The following IMMP2L variants were observed in gnomAD, a reference collection of about 807,000 sequenced individuals.
IMMP2L encodes mitochondrial inner membrane protease subunit 2.
IMMP2L carries 18 observed loss-of-function variants against 19.3 expected under a neutral mutation model. The observed-to-expected ratio is 0.93, with a 90% CI of 0.64 to 1.38. The LOEUF (loss-of-function observed/expected upper bound fraction) is 1.38, where lower values mean the gene tolerates loss of function less well. Among genes scored for constraint, IMMP2L ranks in the 40% most tolerant of loss-of-function variants. The probability of loss-of-function intolerance (pLI) is 0.00; values close to 1 mark genes in which losing one functional copy is unlikely to be tolerated. For synonymous variants in IMMP2L, 76 were observed against 73.0 expected, an observed-to-expected ratio of 1.04 and a Z score of -0.21; for missense variants, 233 against 218.2, an observed-to-expected ratio of 1.07 and a Z score of -0.43.
intron 5 of IMMP2L, among the ~76,000 whole-genome samples, chr7:110,774,865 C>T (rs150488272): frequency 9.9e-5 from 15 of 152,132 alleles, no homozygotes; most frequent in South Asian, 2.1e-4. Flanking sequence ...TTTAGTGATG[C>T]GTGACTGTAC....
chr7:111,091,469 A>C (rs1340469814), intron 3 of IMMP2L: 1 of 152,224 alleles, frequency 6.6e-6, no homozygotes, highest in Non-Finnish European at 1.5e-5. Context: ...ACGCAAGGAC[A>C]TCGGAGGTGG....
chr7:111,047,696 A>G (rs1792543329), intron 3 of IMMP2L, among the ~76,000 whole-genome samples: 1 of 152,284 alleles, frequency 6.6e-6, no homozygotes, highest in East Asian at 1.9e-4. Context: ...ATATTGAGAC[A>G]GACAGACTTG....
intron 5 of IMMP2L, among the ~76,000 whole-genome samples, chr7:110,850,989 A>G (rs1806160480): frequency 6.6e-6 from 1 of 152,060 alleles, no homozygotes; most frequent in Admixed American, 6.6e-5. Flanking sequence ...AAATTTGTTC[A>G]GCATCACAAA....
intron 5 of IMMP2L, among the ~76,000 whole-genome samples, chr7:110,763,005 A>G (rs545093628): frequency 6.6e-6 from 1 of 152,242 alleles, no homozygotes; most frequent in East Asian, 1.9e-4. Flanking sequence ...GAGCTGGGGA[A>G]TAGCTCCATG....
At chr7:111,548,151 G>C (rs1260225616) in intron 1 of IMMP2L, among the ~76,000 whole-genome samples, 1 of 151,978 alleles carries the variant, frequency 6.6e-6, no homozygotes, top group East Asian at 1.9e-4. Context: ...ATCTATCAGG[G>C]AGAGAATATT....
intron 3 of IMMP2L, among the ~76,000 whole-genome samples, chr7:111,388,143 A>C (rs1246666032): frequency 6.6e-6 from 1 of 152,076 alleles, no homozygotes; most frequent in Admixed American, 6.6e-5. Context: ...GCTAGGAAAC[A>C]AGAAGTATCT....
chr7:111,056,985 G>A (rs921530627), intron 3 of IMMP2L, among the ~76,000 whole-genome samples: 6 of 152,020 alleles, frequency 3.9e-5, no homozygotes, highest in Non-Finnish European at 7.4e-5. Flanking sequence ...TTACTTAAGA[G>A]TTTAACATAT....
At chr7:111,031,308 TC>T (rs1466659108) in intron 3 of IMMP2L, among the ~76,000 whole-genome samples, 1 of 151,486 alleles carries the variant, frequency 6.6e-6, no homozygotes, top group Non-Finnish European at 1.5e-5. Context: ...AAGGGATGCT[TC>T]TAGGACAAGA....
At chr7:111,414,977 T>C (rs1013087741) in intron 3 of IMMP2L, among the ~76,000 whole-genome samples, 6 of 151,780 alleles carry the variant, frequency 4.0e-5, no homozygotes, top group African/African-American at 1.5e-4. Flanking sequence ...TAGTTTTCAC[T>C]CCCAGTATGA....
intron 3 of IMMP2L, among the ~76,000 whole-genome samples, chr7:110,989,380 A>T (rs952611909): frequency 8.6e-5 from 13 of 151,878 alleles, no homozygotes; most frequent in African/African-American, 2.4e-4. Flanking sequence ...CTACAAAAAA[A>T]TTTTTTAAAA....
At chr7:111,468,211 T>C (rs576769591) in intron 3 of IMMP2L, among the ~76,000 whole-genome samples, 1 of 152,290 alleles carries the variant, frequency 6.6e-6, no homozygotes, top group South Asian at 2.1e-4. Flanking sequence ...ATCTGCTATA[T>C]TAGTTTCCAA....
intron 5 of IMMP2L, among the ~76,000 whole-genome samples, chr7:110,809,053 C>A (rs749820839): frequency 3.9e-5 from 6 of 152,004 alleles, no homozygotes; most frequent in Non-Finnish European, 5.9e-5. Flanking sequence ...ACCCTGTCAT[C>A]TTTCCCAAAT....
Position 111,122,223 on chromosome 7 carries a change from A to T in IMMP2L, c.240-158658T>A, listed in dbSNP as rs181439922. 8.8e-5 allele frequency among the ~76,000 whole-genome samples: 11 copies of T among 125,424 alleles called. 1 individual carries two copies. Among genetic ancestry groups the T allele is most frequent in the Admixed American group, 5.0e-4 (7 of 13,880 alleles). The allele number at this position is 125,424 out of a possible 152,430, so 82.3% of individuals were successfully genotyped here. ...TGTACCCTAAAACTTAAAGTATAATAAAAAAAAAGAATTATCAAGGACAGT... is the reference window on the plus strand; with the variant it reads ...TGTACCCTAAAACTTAAAGTATAATTAAAAAAAAGAATTATCAAGGACAGT... On this transcript the variant is annotated intron_variant, in intron 3 of 5. Coordinates refer to ENST00000405709, the MANE Select transcript of IMMP2L (RefSeq NM_032549.4).
At chr7:111,480,597 C>CAAAAAAA (rs925037556) in intron 3 of IMMP2L, among the ~76,000 whole-genome samples, 3 of 55,060 alleles carry the variant, frequency 5.4e-5, no homozygotes, top group African/African-American at 1.5e-4. Flanking sequence ...ATTTTACTGT[C>CAAAAAAA]AAAAAAAAAA....
chr7:110,969,051 C>G (rs1819865666), intron 3 of IMMP2L, among the ~76,000 whole-genome samples: 1 of 151,990 alleles, frequency 6.6e-6, no homozygotes, highest in African/African-American at 2.4e-5. Context: ...GTTTGGTCAA[C>G]TTTTATTACA....
intron 5 of IMMP2L, among the ~76,000 whole-genome samples, chr7:110,734,170 G>A (rs1796462217): frequency 1.3e-5 from 2 of 152,206 alleles, no homozygotes; most frequent in Non-Finnish European, 1.5e-5. Context: ...CAATACTGGT[G>A]AGAGCTCAAA....
At chr7:111,089,816 CAG>C (rs1796665812) in intron 3 of IMMP2L, among the ~76,000 whole-genome samples, 1 of 151,890 alleles carries the variant, frequency 6.6e-6, no homozygotes, top group South Asian at 2.1e-4. Context: ...TAGAAAACTA[CAG>C]AGTGAAAATA....
At chr7:111,171,836 T>G (rs1459837980) in intron 3 of IMMP2L, among the ~76,000 whole-genome samples, 7 of 151,336 alleles carry the variant, frequency 4.6e-5, no homozygotes, top group Non-Finnish European at 1.0e-4. Context: ...TATCTACATA[T>G]ATGTAATATA....
At chr7:110,799,370 A>G (rs1285637119) in intron 5 of IMMP2L, among the ~76,000 whole-genome samples, 2 of 152,030 alleles carry the variant, frequency 1.3e-5, no homozygotes, top group Non-Finnish European at 2.9e-5. Context: ...AATTAAATGA[A>G]TGATGTGCCT....
Sources: gnomAD v4.1 joint callset for allele counts (sites outside exome capture counted in the v4.1 genomes callset) on GRCh38, gnomAD v4.1.1 for gene constraint, MANE v1.5 for transcripts, NCBI Gene and HGNC (gene_info 2026-07-23, HGNC 2026-07-21) for gene names.